Variants in ARHGAP11B observed in about 807,000 individuals in gnomAD.
ARHGAP11B encodes inactive Rho GTPase-activating protein 11B.
A neutral mutation model predicts 27.6 loss-of-function variants in ARHGAP11B; 14 were observed. That is an observed-to-expected ratio of 0.51 (90% confidence interval 0.34 to 0.79). ARHGAP11B has a LOEUF of 0.79. Among genes scored for constraint, ARHGAP11B ranks in the 30% least tolerant of loss-of-function variants. The pLI, the probability that ARHGAP11B is intolerant of heterozygous loss-of-function variation, is 0.02. For missense variants in ARHGAP11B, 245 were observed against 320.1 expected, an observed-to-expected ratio of 0.77 and a Z score of 1.79; for synonymous variants, 82 against 114.1, an observed-to-expected ratio of 0.72 and a Z score of 1.80.
intron 10 of ARHGAP11B, chr15:30,647,723 C>G: frequency 4.7e-6 from 1 of 212,470 alleles, no homozygotes; most frequent in South Asian, 8.0e-5. Flanking sequence ...ATGTAAGTAA[C>G]ATTTATATTT....
chr15:30,636,083 A>G (rs992398049), intron 6 of ARHGAP11B, among the ~76,000 whole-genome samples: 1 of 151,134 alleles, frequency 6.6e-6, no homozygotes, highest in Non-Finnish European at 1.5e-5. Flanking sequence ...AAAGGATGGT[A>G]TTATGGTAAA....
chr15:30,641,135 T>G (rs757091117), intron 7 of ARHGAP11B, among the ~76,000 whole-genome samples: 2 of 152,030 alleles, frequency 1.3e-5, no homozygotes, highest in Non-Finnish European at 2.9e-5. Context: ...TAAAAAAATT[T>G]AAAAGTTCAA....
At chr15:30,646,300 G>C (rs1393471758) in intron 9 of ARHGAP11B, 2 of 906,760 alleles carry the variant, frequency 2.2e-6, no homozygotes, top group Non-Finnish European at 2.7e-6. Context: ...CCGCTGGTAG[G>C]CCTCTGTGAC....
intron 2 of ARHGAP11B, among the ~76,000 whole-genome samples, chr15:30,631,067 G>A (rs2060242322): frequency 6.6e-6 from 1 of 151,394 alleles, no homozygotes; most frequent in African/African-American, 2.4e-5. Flanking sequence ...TTTCAAACTG[G>A]TTTTAGAGAG....
chr15:30,626,584 A>G, exon 1 of ARHGAP11B: 1 of 547,648 alleles, frequency 1.8e-6, no homozygotes, highest in South Asian at 3.0e-5. Flanking sequence ...AAGTGAAGGA[A>G]GAGTGAGGTG....
At position 30,635,198 on chromosome 15, in the gene ARHGAP11B, C is replaced by G. The variant is rs371324595; in HGVS notation, c.660+10C>G. The G allele has an allele frequency of 1.5e-5, 24 of 1,611,850 alleles. No homozygotes were observed. The highest frequency in any genetic ancestry group is 3.3e-4 in the Middle Eastern group (2 of 6,074). ...TAACGCAGAAAAGAAGGTACGATTA[C>G]AGGCTGCAGTAGTACAGACTCTTAT... On this transcript the variant is annotated intron_variant, in intron 5 of 10. Coordinates refer to ENST00000428041, the Ensembl canonical transcript of ARHGAP11B.
At chr15:30,639,957 G>C (rs111277997) in intron 7 of ARHGAP11B, among the ~76,000 whole-genome samples, 14,135 of 109,652 alleles carry the variant, frequency 0.13, 2 homozygotes, top group African/African-American at 0.18. Flanking sequence ...AAAATAGACA[G>C]TGTTTCAATA....
chr15:30,641,047 C>T (rs183754824), intron 7 of ARHGAP11B, among the ~76,000 whole-genome samples: 6 of 151,984 alleles, frequency 3.9e-5, no homozygotes, highest in Admixed American at 3.9e-4. Flanking sequence ...TCTTCTCCTC[C>T]TCCAAGCTCC....
intron 1 of ARHGAP11B, among the ~76,000 whole-genome samples, chr15:30,629,701 C>T (rs991605814): frequency 3.3e-5 from 5 of 151,958 alleles, no homozygotes; most frequent in South Asian, 4.1e-4. Context: ...TACTGTGTTG[C>T]GTCATTGACA....
chr15:30,647,200 C>T (rs941031415), intron 9 of ARHGAP11B, among the ~76,000 whole-genome samples: 1 of 151,614 alleles, frequency 6.6e-6, no homozygotes, highest in African/African-American at 2.4e-5. Flanking sequence ...CATTGGTAAG[C>T]TTATGGGAAT....
Position 30,634,256 on chromosome 15 carries a change from G to GC in ARHGAP11B, c.386dup (p.Glu130ArgfsTer7). The GC allele has an allele frequency of 8.1e-6, 13 of 1,612,632 alleles. No homozygotes were observed. The highest frequency in any genetic ancestry group is 1.1e-5 in the Non-Finnish European group (13 of 1,179,330). On this transcript the variant is annotated frameshift_variant, in exon 4 of 11. Coordinates refer to ENST00000428041, the Ensembl canonical transcript of ARHGAP11B. LOFTEE classifies it high-confidence loss of function. Reference sequence around the variant, plus strand: ...TTCTTAAGCAGTTTTTTAGGGAACTGCCAGAGCCCATTCTCCCAGCTGATT... The same window carrying GC: ...TTCTTAAGCAGTTTTTTAGGGAACTGCCCAGAGCCCATTCTCCCAGCTGATT...
chr15:30,628,786 G>GT (rs1443711818), intron 1 of ARHGAP11B, among the ~76,000 whole-genome samples: 1 of 152,190 alleles, frequency 6.6e-6, no homozygotes, highest in African/African-American at 2.4e-5. Context: ...GCCGACTGGT[G>GT]TTTGTTAGCT....
At chr15:30,634,595 A>C (rs547475867) in intron 4 of ARHGAP11B, among the ~76,000 whole-genome samples, 172 bp downstream of exon 4, 10 of 152,194 alleles carry the variant, frequency 6.6e-5, no homozygotes, top group Non-Finnish European at 1.3e-4. Context: ...CAAATGATTT[A>C]ATATTTCCTT....
chr15:30,638,923 T>C (rs2060298399), intron 7 of ARHGAP11B, 113 bp downstream of exon 7: 1 of 585,306 alleles, frequency 1.7e-6, no homozygotes, highest in Non-Finnish European at 2.7e-6. Context: ...AAATTTAGTT[T>C]AATCAAATCA....
chr15:30,636,262 G>T (rs997606553), intron 6 of ARHGAP11B, among the ~76,000 whole-genome samples: 5 of 152,030 alleles, frequency 3.3e-5, no homozygotes, highest in African/African-American at 1.2e-4. Flanking sequence ...AGTAGTCCAG[G>T]CATGAGATTA....
At chr15:30,639,902 C>T (rs1435682231) in intron 7 of ARHGAP11B, among the ~76,000 whole-genome samples, 1 of 151,524 alleles carries the variant, frequency 6.6e-6, no homozygotes, top group African/African-American at 2.4e-5. Context: ...GAACTTTATT[C>T]TGTTTTATCC....
exon 2 of ARHGAP11B, chr15:30,630,759 T>C (rs775367638): frequency 1.9e-6 from 3 of 1,611,226 alleles, no homozygotes; most frequent in East Asian, 2.2e-5. Context: ...TACCAGAATA[T>C]GGACACATTC....
At chr15:30,635,663 C>T (rs1236865184) in intron 6 of ARHGAP11B, 30 bp downstream of exon 6, 3 of 1,610,282 alleles carry the variant, frequency 1.9e-6, no homozygotes, top group Non-Finnish European at 2.5e-6. Context: ...TATGGAGGTA[C>T]AGTGATTTGC....
chr15:30,638,963 A>G (rs942105401), intron 7 of ARHGAP11B, 153 bp downstream of exon 7: 9 of 392,868 alleles, frequency 2.3e-5, no homozygotes, highest in South Asian at 6.3e-5. Flanking sequence ...ATACTGTACT[A>G]TACACACTAT....
Sources: gnomAD v4.1 joint callset for allele counts (sites outside exome capture counted in the v4.1 genomes callset) on GRCh38, gnomAD v4.1.1 for gene constraint, MANE v1.5 for transcripts, NCBI Gene and HGNC (gene_info 2026-07-23, HGNC 2026-07-21) for gene names.